The following FOXN2 variants were observed in gnomAD, a reference collection of about 807,000 sequenced individuals.
FOXN2 encodes forkhead box N2, also known as forkhead box protein N2.
Under a neutral mutation model 41.2 loss-of-function variants are expected in FOXN2, and 19 were observed. The ratio of observed to expected loss-of-function variants is 0.46; its 90% CI spans 0.32 to 0.68. The LOEUF is 0.68. Ranked by LOEUF, FOXN2 falls within the 30% of genes least tolerant of loss-of-function variation. The probability of loss-of-function intolerance (pLI) is 0.03; values close to 1 mark genes in which losing one functional copy is unlikely to be tolerated. For missense variants in FOXN2, 587 were observed against 509.4 expected, an observed-to-expected ratio of 1.15 and a Z score of -1.47; for synonymous variants, 195 against 176.8, an observed-to-expected ratio of 1.10 and a Z score of -0.82.
chr2:48,367,048 T>C (rs1672579667), intron 5 of FOXN2, among the ~76,000 whole-genome samples: 1 of 152,188 alleles, frequency 6.6e-6, no homozygotes, highest in African/African-American at 2.4e-5. Flanking sequence ...GGCTTAGAAC[T>C]CCAGAAACTG....
intron 2 of FOXN2, among the ~76,000 whole-genome samples, chr2:48,338,189 T>G (rs2104301269): frequency 6.6e-6 from 1 of 152,244 alleles, no homozygotes; most frequent in East Asian, 1.9e-4. Context: ...CTAAAAAAAG[T>G]TTTCTCGATA....
intron 5 of FOXN2, among the ~76,000 whole-genome samples, chr2:48,370,743 C>T (rs1231173506): frequency 6.6e-6 from 1 of 152,066 alleles, no homozygotes; most frequent in Non-Finnish European, 1.5e-5. Context: ...ATATTTTATT[C>T]ATTCTGTAGG....
chr2:48,324,194 ATTT>A (rs11407371), intron 1 of FOXN2, among the ~76,000 whole-genome samples: 7 of 132,354 alleles, frequency 5.3e-5, no homozygotes, highest in Admixed American at 1.6e-4. Context: ...TTGCTCAGTA[ATTT>A]TTTTTTTTTT....
intron 3 of FOXN2, among the ~76,000 whole-genome samples, chr2:48,355,291 T>C (rs1671717844): frequency 6.6e-6 from 1 of 152,128 alleles, no homozygotes; most frequent in South Asian, 2.1e-4. Context: ...AAGTGAGAGC[T>C]AGAGAATGGG....
At chr2:48,333,854 T>C (rs970090185) in intron 2 of FOXN2, among the ~76,000 whole-genome samples, 2 of 152,112 alleles carry the variant, frequency 1.3e-5, no homozygotes, top group African/African-American at 4.8e-5. Context: ...CATAGTTATT[T>C]TGGGGTGTTG....
chr2:48,339,366 G>A (rs566765884), intron 2 of FOXN2, among the ~76,000 whole-genome samples: 2 of 152,274 alleles, frequency 1.3e-5, no homozygotes, highest in South Asian at 4.1e-4. Flanking sequence ...TTGTGATAGT[G>A]AGTTCTCACA....
At chr2:48,322,241 C>G (rs1433478926) in intron 1 of FOXN2, among the ~76,000 whole-genome samples, 2 of 152,148 alleles carry the variant, frequency 1.3e-5, no homozygotes, top group African/African-American at 4.8e-5. Context: ...AGCCACTGTG[C>G]CTGGGCTAGA....
intron 5 of FOXN2, among the ~76,000 whole-genome samples, chr2:48,366,459 A>G (rs1046532071): frequency 3.9e-5 from 6 of 152,150 alleles, no homozygotes; most frequent in African/African-American, 9.7e-5. Flanking sequence ...AGAGAGAATC[A>G]TAACAATAGA....
intron 5 of FOXN2, among the ~76,000 whole-genome samples, chr2:48,368,276 C>T (rs1251451459): frequency 6.6e-6 from 1 of 152,158 alleles, no homozygotes; most frequent in Non-Finnish European, 1.5e-5. Flanking sequence ...TTTTTAAAAA[C>T]AGAGCCACCT....
intron 2 of FOXN2, among the ~76,000 whole-genome samples, chr2:48,335,201 AC>A (rs1670256305): frequency 2.0e-5 from 3 of 152,214 alleles, no homozygotes; most frequent in Admixed American, 2.0e-4. Context: ...GAAAACAAAT[AC>A]GTTTAATATG....
chr2:48,352,511 A>G (rs909042783), intron 3 of FOXN2, among the ~76,000 whole-genome samples: 3 of 152,042 alleles, frequency 2.0e-5, no homozygotes, highest in Non-Finnish European at 2.9e-5. Context: ...TATTTTCTTA[A>G]TCTCATTAAT....
intron 1 of FOXN2, among the ~76,000 whole-genome samples, chr2:48,322,576 TTC>T (rs1669401959): frequency 6.6e-6 from 1 of 151,938 alleles, no homozygotes; most frequent in African/African-American, 2.4e-5. Flanking sequence ...TCTTTACACC[TTC>T]TGTTTCTCTA....
chr2:48,320,479 C>G (rs1669231055), intron 1 of FOXN2, among the ~76,000 whole-genome samples: 1 of 151,976 alleles, frequency 6.6e-6, no homozygotes, highest in South Asian at 2.1e-4. Flanking sequence ...TTAGTAGAGA[C>G]AAGGTTTCAC....
chr2:48,365,056 T>G (rs1486172782), intron 5 of FOXN2, among the ~76,000 whole-genome samples: 1 of 152,204 alleles, frequency 6.6e-6, no homozygotes, highest in African/African-American at 2.4e-5. Context: ...TATATTAAAA[T>G]CAGTTTTCCT....
intron 3 of FOXN2, among the ~76,000 whole-genome samples, chr2:48,353,743 A>G (rs955049561): frequency 6.6e-6 from 1 of 152,114 alleles, no homozygotes; most frequent in Non-Finnish European, 1.5e-5. Context: ...AAACACTGCT[A>G]CAGTGAAAAT....
rs372700691 is a variant in FOXN2, at chr2:48,369,848, A to G, written c.704-3444A>G. On this transcript the variant is annotated intron_variant, in intron 5 of 6. Transcript: ENST00000340553. ...ATATCTCTACAAAAAATAAAAATAA[A>G]AATGAGCCAGGTGCGGTGGTACATG... 4.2e-4 allele frequency among the ~76,000 whole-genome samples: 64 copies of G among 152,156 alleles called. No individual in the cohort carries two copies. In the South Asian group the frequency reaches 0.013, roughly 30 times the overall value.
intron 2 of FOXN2, among the ~76,000 whole-genome samples, chr2:48,329,591 T>C (rs373197471): frequency 4.6e-5 from 7 of 152,294 alleles, no homozygotes; most frequent in African/African-American, 1.7e-4. Context: ...CCTAAATCTG[T>C]GACCAAGAGG....
At chr2:48,342,438 G>A (rs1167976165) in intron 2 of FOXN2, among the ~76,000 whole-genome samples, 1 of 152,128 alleles carries the variant, frequency 6.6e-6, no homozygotes, top group East Asian at 1.9e-4. Context: ...TCACAAAAGT[G>A]ACACATTTGG....
intron 1 of FOXN2, among the ~76,000 whole-genome samples, chr2:48,326,816 A>G (rs747583401): frequency 5.9e-5 from 9 of 152,178 alleles, no homozygotes; most frequent in Non-Finnish European, 1.2e-4. Flanking sequence ...TGAAACATAA[A>G]TGAATATTAT....
Sources: allele counts gnomAD v4.1 joint callset (sites outside exome capture counted in the v4.1 genomes callset), GRCh38; gene constraint gnomAD v4.1.1; transcripts MANE v1.5; gene names NCBI Gene and HGNC (gene_info 2026-07-23, HGNC 2026-07-21).